The following LSAMP variants were observed in gnomAD, a reference collection of about 807,000 sequenced individuals.
LSAMP encodes the protein limbic system associated membrane protein.
Under a neutral mutation model 38.6 loss-of-function variants are expected in LSAMP, and 7 were observed. That is an observed-to-expected ratio of 0.18 (90% CI 0.10 to 0.34). The LOEUF (loss-of-function observed/expected upper bound fraction) is 0.34, where lower values mean the gene tolerates loss of function less well. Among genes scored for constraint, LSAMP ranks in the 10% least tolerant of loss-of-function variants. The pLI is 1.00. For synonymous variants in LSAMP, 154 were observed against 166.8 expected (o/e 0.92, Z 0.59); for missense variants, 313 against 420.0 (o/e 0.75, Z 2.23).
rs562974595 is a variant in LSAMP at position 116,035,304 on chromosome 3, A to G, written c.389-15664T>C. Among the ~76,000 whole-genome samples the G allele has an allele frequency of 7.9e-5, 12 of 152,310 alleles. No individual in the cohort carries two copies. The South Asian group carries it at 2.1e-3, about 26-fold the overall frequency. ...TCCTCATTCACACATTAAAAACTGT[A>G]TAACCTTTCTCTCTGTTTCAATCAG... On this transcript the variant is annotated intron_variant, in intron 2 of 6. Coordinates refer to ENST00000490035, the MANE Select transcript of LSAMP (RefSeq NM_002338.5).
intron 1 of LSAMP, among the ~76,000 whole-genome samples, chr3:116,266,346 A>C (rs1265720461): frequency 2.0e-5 from 3 of 152,178 alleles, no homozygotes; most frequent in African/African-American, 7.2e-5. Context: ...GTTGACAGTT[A>C]ATGATGATGA....
chr3:115,963,062 G>T (rs1938681450), intron 3 of LSAMP, among the ~76,000 whole-genome samples: 1 of 152,132 alleles, frequency 6.6e-6, no homozygotes, highest in Non-Finnish European at 1.5e-5. Context: ...ATATTTAAAT[G>T]GTTTTTTTTC....
intron 1 of LSAMP, chr3:116,368,174 G>T (rs1054999728): frequency 5.3e-5 from 8 of 152,192 alleles, no homozygotes; most frequent in Non-Finnish European, 1.0e-4. Context: ...GGCTCAGAGG[G>T]ATGCCCACAG....
chr3:115,878,416 A>G (rs1936238547), intron 3 of LSAMP, among the ~76,000 whole-genome samples: 1 of 151,144 alleles, frequency 6.6e-6, no homozygotes, highest in African/African-American at 2.4e-5. Flanking sequence ...TTATTAACCA[A>G]TAAAAGATTT....
At chr3:116,128,939 G>A (rs555842911) in intron 1 of LSAMP, among the ~76,000 whole-genome samples, 85 of 152,182 alleles carry the variant, frequency 5.6e-4, no homozygotes, top group African/African-American at 2.0e-3. Flanking sequence ...ACCTTTCAGC[G>A]ATGTGACAAC....
intron 1 of LSAMP, among the ~76,000 whole-genome samples, chr3:116,317,865 G>A (rs1576122755): frequency 6.6e-6 from 1 of 151,698 alleles, no homozygotes. Flanking sequence ...GCCGGGCGCG[G>A]TGGCTCACGG....
Position 115,805,349 on chromosome 3 carries a change from TG to T in LSAMP, c.*4967del. 1 of 152,234 alleles carries T rather than the reference TG, an allele frequency of 6.6e-6. No individual in the cohort carries two copies. The highest frequency in any genetic ancestry group is 2.4e-5 in the African/African-American group (1 of 41,478). 9.4% of individuals were successfully genotyped at this position (152,234 alleles called of 1,614,324 possible). A position where few individuals can be genotyped will look rare whatever the true frequency, so the allele number is the denominator to read the frequency against. ...GCTTTAGTCGTAATTCTTCCGATTC[TG>T]AACTGTGAAACGTTTCAGTTTTTAT... On this transcript the variant is annotated 3_prime_UTR_variant, in exon 7 of 7. Coordinates refer to ENST00000490035, the MANE Select transcript of LSAMP (RefSeq NM_002338.5).
intron 2 of LSAMP, among the ~76,000 whole-genome samples, chr3:116,048,932 G>C (rs1287403920): frequency 3.9e-5 from 6 of 152,124 alleles, no homozygotes; most frequent in Non-Finnish European, 8.8e-5. Flanking sequence ...AATAAAGAGG[G>C]CCAAGGACTC....
intron 1 of LSAMP, among the ~76,000 whole-genome samples, chr3:116,381,332 T>C (rs2048555841): frequency 6.6e-6 from 1 of 152,146 alleles, no homozygotes; most frequent in African/African-American, 2.4e-5. Flanking sequence ...TATTTGTGTG[T>C]ATTATAATGT....
chr3:116,240,176 C>A (rs2046514686), intron 1 of LSAMP, among the ~76,000 whole-genome samples: 2 of 152,252 alleles, frequency 1.3e-5, no homozygotes, highest in East Asian at 1.9e-4. Flanking sequence ...ATCCTTGAAG[C>A]CTTCCTTTGC....
chr3:116,187,013 G>A lies in LSAMP; in HGVS notation c.156-100457C>T, dbSNP rs371090949. 2.6e-5 allele frequency among the ~76,000 whole-genome samples: 4 copies of A among 152,114 alleles called. No individual in the cohort carries two copies. The East Asian group carries it at 5.8e-4, about 22-fold the overall frequency. ...GTATGTAGTAATGCTCATATTCACT[G>A]AGACAATAAAAAACACAACAAAGAA... On this transcript the variant is annotated intron_variant, in intron 1 of 6. Transcript: ENST00000490035.
chr3:115,950,158 C>G (rs1331429359), intron 3 of LSAMP, among the ~76,000 whole-genome samples: 1 of 152,004 alleles, frequency 6.6e-6, no homozygotes, highest in Non-Finnish European at 1.5e-5. Context: ...AAAGAAATCC[C>G]CCTGAGAACT....
At position 116,203,863 on chromosome 3, in the gene LSAMP, G is replaced by A. The variant is rs1424166527; in HGVS notation, c.156-117307C>T. Among the ~76,000 whole-genome samples, 19 of 152,142 alleles carry A rather than the reference G, an allele frequency of 1.2e-4. No individual in the cohort carries two copies. The East Asian group carries it at 2.7e-3, about 22-fold the overall frequency. On this transcript the variant is annotated intron_variant, in intron 1 of 6. Transcript: ENST00000490035. ...GTGAATAATGCCGCAATAAACATAC[G>A]TGTGCATGTGTCTTTATAGCAGCAT... is the stretch of plus-strand genomic sequence containing the variant.
chr3:115,828,707 T>C (rs1934510029), intron 6 of LSAMP, among the ~76,000 whole-genome samples: 1 of 152,252 alleles, frequency 6.6e-6, no homozygotes, highest in South Asian at 2.1e-4. Flanking sequence ...GACTGCCAAT[T>C]ACTTAAACCT....
chr3:115,872,954 CAT>C (rs548550491), intron 3 of LSAMP, among the ~76,000 whole-genome samples: 60 of 152,218 alleles, frequency 3.9e-4, no homozygotes, highest in African/African-American at 1.3e-3. Context: ...ATGTATGAAA[CAT>C]ATATGATACA....
At chr3:115,969,190 T>C (rs895330521) in intron 3 of LSAMP, among the ~76,000 whole-genome samples, 5 of 152,202 alleles carry the variant, frequency 3.3e-5, no homozygotes, top group Non-Finnish European at 7.3e-5. Context: ...TGCTTTCATG[T>C]GTGGATAGTT....
At chr3:116,237,726 G>A (rs1461120) in intron 1 of LSAMP, among the ~76,000 whole-genome samples, 144,104 of 152,226 alleles carry the variant, frequency 0.95, 68,709 homozygotes, top group East Asian at 1. Context: ...AGCAGAGGTC[G>A]CACATCTTAT....
At chr3:116,121,676 T>C (rs1009256240) in intron 1 of LSAMP, among the ~76,000 whole-genome samples, 3 of 152,102 alleles carry the variant, frequency 2.0e-5, no homozygotes, top group African/African-American at 7.2e-5. Flanking sequence ...ATTTTAGAGA[T>C]GACAAAATTG....
chr3:115,925,342 G>C (rs1030793102), intron 3 of LSAMP, among the ~76,000 whole-genome samples: 9 of 152,042 alleles, frequency 5.9e-5, no homozygotes, highest in African/African-American at 2.2e-4. Flanking sequence ...AGAACTCAAA[G>C]GTATTCAAGA....
Sources: gnomAD v4.1 joint callset for allele counts (sites outside exome capture counted in the v4.1 genomes callset) on GRCh38, gnomAD v4.1.1 for gene constraint, MANE v1.5 for transcripts, NCBI Gene and HGNC (gene_info 2026-07-23, HGNC 2026-07-21) for gene names.